The following SYNRG variants were observed in gnomAD, a reference collection of about 807,000 sequenced individuals.
SYNRG encodes synergin gamma.
SYNRG carries 37 observed loss-of-function variants against 130.9 expected under a neutral mutation model. The observed-to-expected ratio is 0.28, with a 90% CI of 0.22 to 0.37. SYNRG has a LOEUF of 0.37. SYNRG is among the 10% of genes least tolerant of loss of function. The pLI is 1.00. For missense variants in SYNRG, 1,338 were observed against 1,588.9 expected (o/e 0.84, Z 2.68); for synonymous variants, 539 against 568.1 (o/e 0.95, Z 0.73).
chr17:37,571,909 G>A lies in SYNRG; in HGVS notation c.980C>T (p.Ser327Leu), dbSNP rs1279761253. The A allele has an allele frequency of 1.9e-6, 3 of 1,614,082 alleles. No homozygotes were observed. In the Admixed American group the frequency reaches 5.0e-5, roughly 27 times the overall value. ...AAGAGTTTCCCTGGGAAGCCCAGAT[G>A]ACATCAGAATGGGATACAGTTTGGC... ...DTAKLYPILM[S>L]SGLPRETLGQ... Residue 327 changes from serine to leucine, a missense_variant, in exon 9 of 22, where the codon TCA (serine) becomes TTA (leucine). Ser to Leu is a moderately radical substitution (Grantham distance 145, BLOSUM62 -2). Coordinates refer to ENST00000612223, the MANE Select transcript of SYNRG (RefSeq NM_007247.6).
chr17:37,553,432 T>A lies in SYNRG; in HGVS notation c.2291A>T (p.Lys764Ile). The A allele has an allele frequency of 6.2e-7, 1 of 1,614,218 alleles. No homozygotes were observed. The highest frequency in any genetic ancestry group is 1.1e-5 in the South Asian group (1 of 91,086). The change falls in exon 14 of 22, where the codon AAA becomes ATA. Residue 764 changes from lysine (K) to isoleucine (I), a missense_variant. By Grantham distance (102) the Lys-to-Ile change is moderately radical. Transcript: ENST00000612223. ...EGSGLGVEDL[K>I]DNTPSGKSDD... ...ACTTTTTCCTGAAGGAGTGTTATCT[T>A]TCAGGTCTTCAACACCTAGTCCAGA...
In SYNRG at chr17:37,561,577, C is replaced by T. The variant is rs1219345590; in HGVS notation, c.1494G>A (p.Leu498=). The part of the protein sequence containing the change: ...NSQHGNSAPS[L]LMPLPGTKAL... Reference sequence around the variant, plus strand: ...CTTTAGTTCCAGGAAGTGGCATCAACAAAGAAGGGGCACTGAAGGAAAAAA... The same window carrying T: ...CTTTAGTTCCAGGAAGTGGCATCAATAAAGAAGGGGCACTGAAGGAAAAAA... Residue 498 remains leucine (L), a synonymous_variant, in exon 12 of 22, where the codon TTG becomes TTA. Transcript: ENST00000612223. 1.9e-6 allele frequency: 3 copies of T among 1,611,066 alleles called. No individual in the cohort carries two copies. Among genetic ancestry groups the T allele is most frequent in the African/African-American group, 2.7e-5 (2 of 74,840 alleles).
At chr17:37,558,170 A>C (rs961349429) in intron 13 of SYNRG, among the ~76,000 whole-genome samples, 7 of 152,240 alleles carry the variant, frequency 4.6e-5, no homozygotes, top group Admixed American at 4.6e-4. Flanking sequence ...TGGATAAAAC[A>C]CAAGAAAATA....
rs1037773662 is a variant in SYNRG at position 37,562,860 on chromosome 17, G to C, written c.1482-1271C>G. Among the ~76,000 whole-genome samples, 113 of 152,182 alleles carry C rather than the reference G, an allele frequency of 7.4e-4. 1 individual carries two copies. Among genetic ancestry groups the C allele is most frequent in the African/African-American group, 2.6e-3 (109 of 41,526 alleles). ...ATCTTAGGGAAAAAAAACCCCCAAA[G>C]TTGAATGATTTCTTTATTTTTCATG... On this transcript the variant is annotated intron_variant, in intron 11 of 21. Transcript: ENST00000612223.
chr17:37,570,812 A>C lies in SYNRG; in HGVS notation c.1172T>G (p.Phe391Cys). 4 of 1,614,232 alleles carry C rather than the reference A, an allele frequency of 2.5e-6. No homozygotes were observed. The highest frequency in any genetic ancestry group is 3.4e-6 in the Non-Finnish European group (4 of 1,180,046). The change falls in exon 10 of 22, where the codon TTT becomes TGT. Residue 391 changes from phenylalanine to cysteine, a missense_variant. This residue lies in a region of SYNRG where 1,146 missense variants were observed against 1,342.3 expected (regional missense o/e 0.85). Coordinates refer to ENST00000612223, the MANE Select transcript of SYNRG (RefSeq NM_007247.6). ...PAAPIPTLSG[F>C]SMTLPTPVSQ... The stretch of plus-strand genomic sequence containing the variant: ...CACCGGTGTAGGCAGAGTCATAGAA[A>C]AGCCACTTAAAGTTGGAATAGGAGC...
In SYNRG at chr17:37,600,515, C is replaced by T. The variant is rs529487659; in HGVS notation, c.78-112G>A. ...TTGTAGATGGGACCTGGTGTTTGTTCTGCACCACAATACTGAATTGCCCAA... is the reference window on the plus strand; with the variant it reads ...TTGTAGATGGGACCTGGTGTTTGTTTTGCACCACAATACTGAATTGCCCAA... On this transcript the variant is annotated intron_variant, in intron 1 of 21. Coordinates refer to ENST00000612223, the MANE Select transcript of SYNRG (RefSeq NM_007247.6). The T allele has an allele frequency of 7.6e-5, 78 of 1,019,814 alleles. No homozygotes were observed. In the South Asian group the frequency reaches 1.0e-3, roughly 13 times the overall value. 63.2% of individuals were successfully genotyped at this position (1,019,814 alleles called of 1,614,324 possible).
chr17:37,543,916 C>T (rs941049314), intron 14 of SYNRG, among the ~76,000 whole-genome samples: 2 of 152,240 alleles, frequency 1.3e-5, no homozygotes, highest in Non-Finnish European at 2.9e-5. Context: ...ATGAGACTCT[C>T]CCTCTGACAA....
intron 8 of SYNRG, among the ~76,000 whole-genome samples, chr17:37,573,072 A>G (rs551636828): frequency 2.6e-5 from 4 of 152,294 alleles, no homozygotes; most frequent in African/African-American, 7.2e-5. Context: ...ATCTGGGATT[A>G]TAAGTATGGA....
chr17:37,559,859 G>A (rs976487806), intron 13 of SYNRG, among the ~76,000 whole-genome samples: 2 of 152,098 alleles, frequency 1.3e-5, no homozygotes, highest in East Asian at 1.9e-4. Flanking sequence ...CAAGCTTCCC[G>A]TGAAAGGGAA....
At chr17:37,531,913 G>C (rs569933815) in intron 19 of SYNRG, among the ~76,000 whole-genome samples, 1 of 152,144 alleles carries the variant, frequency 6.6e-6, no homozygotes, top group African/African-American at 2.4e-5. Flanking sequence ...AAATGGCTGC[G>C]TAAGATCCTG....
chr17:37,575,021 A>T (rs547513160), intron 8 of SYNRG, among the ~76,000 whole-genome samples: 1 of 152,142 alleles, frequency 6.6e-6, no homozygotes, highest in Non-Finnish European at 1.5e-5. Context: ...ACTGGAGGAC[A>T]CTATATTAAG....
chr17:37,584,694 T>C lies in SYNRG; in HGVS notation c.543A>G (p.Arg181=). ...CTGGAGTAGGGTGCATTTTTGCATC[T>C]CTGGAAAACCCATCTAAATTTCCTT... The part of the protein sequence containing the change: ...AIKGNLDGFS[R]DAKMHPTPAS... Residue 181 remains arginine (R), a synonymous_variant, in exon 6 of 22, where the codon AGA becomes AGG. Coordinates refer to ENST00000612223, the MANE Select transcript of SYNRG (RefSeq NM_007247.6). 6.2e-7 allele frequency: 1 copy of C among 1,613,992 alleles called. No homozygotes were observed. The highest frequency in any genetic ancestry group is 1.7e-5 in the Admixed American group (1 of 60,020).
At chr17:37,602,680 C>T (rs1174091112) in intron 1 of SYNRG, among the ~76,000 whole-genome samples, 2 of 152,146 alleles carry the variant, frequency 1.3e-5, no homozygotes, top group Non-Finnish European at 2.9e-5. Flanking sequence ...AGACAAAATA[C>T]ATACCTAGTG....
At chr17:37,525,895 G>T (rs963033412) in intron 19 of SYNRG, among the ~76,000 whole-genome samples, 1 of 152,250 alleles carries the variant, frequency 6.6e-6, no homozygotes, top group African/African-American at 2.4e-5. Context: ...GAACCCAGGA[G>T]GTGGAGGTTG....
At chr17:37,592,525 C>G (rs2146725935) in intron 3 of SYNRG, among the ~76,000 whole-genome samples, 1 of 152,260 alleles carries the variant, frequency 6.6e-6, no homozygotes, top group Middle Eastern at 3.4e-3. Flanking sequence ...ACTCTGATGT[C>G]CTTCAGTGAG....
chr17:37,529,802 T>C (rs779199225), intron 19 of SYNRG: 3 of 1,551,540 alleles, frequency 1.9e-6, no homozygotes, highest in Non-Finnish European at 1.7e-6. Flanking sequence ...TAAGAGCTCA[T>C]GGTAAGGAGA....
chr17:37,607,237 C>G (rs2063826568), intron 1 of SYNRG, among the ~76,000 whole-genome samples: 1 of 152,016 alleles, frequency 6.6e-6, no homozygotes. Flanking sequence ...AAAATTCAAC[C>G]CATATTTATT....
chr17:37,600,218 C>A, intron 2 of SYNRG, 145 bp downstream of exon 2: 2 of 629,352 alleles, frequency 3.2e-6, no homozygotes, highest in South Asian at 4.5e-5. Flanking sequence ...GAGTAGCTGT[C>A]ATATAGGACA....
At chr17:37,525,276 A>G (rs1054566066) in intron 19 of SYNRG, among the ~76,000 whole-genome samples, 2 of 152,186 alleles carry the variant, frequency 1.3e-5, no homozygotes, top group Non-Finnish European at 2.9e-5. Context: ...ATTTAAAAAA[A>G]TATATACATA....
Sources: allele counts gnomAD v4.1 joint callset (sites outside exome capture counted in the v4.1 genomes callset), GRCh38; gene constraint gnomAD v4.1.1; regional missense constraint gnomAD v4.1.1; transcripts MANE v1.5; gene names NCBI Gene and HGNC (gene_info 2026-07-23, HGNC 2026-07-21).